Variants in RAB28 observed in about 807,000 individuals in gnomAD.
RAB28 encodes RAB28, member RAS oncogene family, also known as ras-related protein Rab-28.
A neutral mutation model predicts 31.7 loss-of-function variants in RAB28; 24 were observed. The observed-to-expected ratio is 0.76, with a 90% CI of 0.55 to 1.06. RAB28 has a LOEUF of 1.06. Among genes scored for constraint, RAB28 ranks in the 50% least tolerant of loss-of-function variants. The pLI is 0.00. For synonymous variants in RAB28, 100 were observed against 90.4 expected, an observed-to-expected ratio of 1.11 and a Z score of -0.60; for missense variants, 254 against 258.5, an observed-to-expected ratio of 0.98 and a Z score of 0.12.
intron 5 of RAB28, among the ~76,000 whole-genome samples, chr4:13,380,558 T>G (rs1295140634): frequency 6.6e-6 from 1 of 152,130 alleles, no homozygotes; most frequent in Non-Finnish European, 1.5e-5. Flanking sequence ...CAAATTTAAA[T>G]AGTGAAGTAT....
intron 2 of RAB28, among the ~76,000 whole-genome samples, chr4:13,475,492 A>G (rs1716318212): frequency 6.6e-6 from 1 of 151,652 alleles, no homozygotes; most frequent in South Asian, 2.1e-4. Context: ...AAAATCAGAG[A>G]AAGTTAGTCA....
chr4:13,377,154 T>G (rs1728953649), intron 5 of RAB28, among the ~76,000 whole-genome samples: 1 of 152,136 alleles, frequency 6.6e-6, no homozygotes. Flanking sequence ...TTACTATATT[T>G]TATCAGTTCA....
chr4:13,419,430 A>C (rs1301089842), intron 4 of RAB28, among the ~76,000 whole-genome samples: 1 of 152,208 alleles, frequency 6.6e-6, no homozygotes, highest in Non-Finnish European at 1.5e-5. Context: ...TCTCCACCCC[A>C]AATCAACAGA....
At chr4:13,389,486 C>A (rs1293932940) in intron 4 of RAB28, among the ~76,000 whole-genome samples, 2 of 151,912 alleles carry the variant, frequency 1.3e-5, no homozygotes, top group Non-Finnish European at 2.9e-5. Context: ...CATAGCTTTC[C>A]AAAGCTACAG....
chr4:13,436,919 AAAAAGAACAAC>A (rs575159714), intron 4 of RAB28, among the ~76,000 whole-genome samples: 13 of 152,160 alleles, frequency 8.5e-5, no homozygotes, highest in Non-Finnish European at 1.8e-4. Context: ...AATCATAAGC[AAAAAGAACAAC>A]AAAAGCATCA....
intron 4 of RAB28, among the ~76,000 whole-genome samples, chr4:13,419,893 A>C (rs1713019972): frequency 6.6e-6 from 1 of 152,116 alleles, no homozygotes; most frequent in South Asian, 2.1e-4. Flanking sequence ...GCAAGAAATA[A>C]CTAAGATCAG....
At chr4:13,481,758 A>G (rs1421223406) in intron 1 of RAB28, among the ~76,000 whole-genome samples, 1 of 152,156 alleles carries the variant, frequency 6.6e-6, no homozygotes, top group African/African-American at 2.4e-5. Flanking sequence ...ACTGTTAGTC[A>G]TCATCTCAAT....
At position 13,381,599 on chromosome 4, in the gene RAB28, A is replaced by G. The variant is rs1477324793; in HGVS notation, c.392-5T>C. The G allele has an allele frequency of 1.3e-6, 2 of 1,593,818 alleles. No individual in the cohort carries two copies. ...TTCGCATATGCTCCAAATCAACTAGAAAGGTGTTAAAGAAAGAAAATAATT... is the reference window on the plus strand; with the variant it reads ...TTCGCATATGCTCCAAATCAACTAGGAAGGTGTTAAAGAAAGAAAATAATT... On this transcript the variant is annotated splice_polypyrimidine_tract_variant and splice_region_variant and intron_variant, in intron 4 of 6. Coordinates refer to ENST00000330852, the MANE Select transcript of RAB28 (RefSeq NM_001017979.3).
At chr4:13,469,162 C>T (rs1477896658) in intron 3 of RAB28, among the ~76,000 whole-genome samples, 1 of 152,102 alleles carries the variant, frequency 6.6e-6, no homozygotes, top group East Asian at 1.9e-4. Flanking sequence ...CTACTGGAAT[C>T]TTCCAAGCCA....
chr4:13,474,874 T>A (rs1372295206), intron 2 of RAB28, among the ~76,000 whole-genome samples: 1 of 151,590 alleles, frequency 6.6e-6, no homozygotes, highest in Non-Finnish European at 1.5e-5. Context: ...ACTACAAAAA[T>A]GCACCCATAA....
intron 4 of RAB28, among the ~76,000 whole-genome samples, chr4:13,453,962 A>G (rs539868229): frequency 6.6e-6 from 1 of 152,230 alleles, no homozygotes; most frequent in East Asian, 1.9e-4. Flanking sequence ...CCATAATATA[A>G]GTATTTGTTC....
In RAB28 at chr4:13,455,599, C is replaced by A. The variant is rs1347587780; in HGVS notation, c.391+5100G>T. On this transcript the variant is annotated intron_variant, in intron 4 of 6. Transcript: ENST00000330852. ...CTCGTCTCAAGATGGCACCATGCTG[C>A]AGCAGCTTGACTCACAAGGCGTGGG... 2.0e-5 allele frequency among the ~76,000 whole-genome samples: 3 copies of A among 152,234 alleles called. No individual in the cohort carries two copies. In the East Asian group the frequency reaches 5.8e-4, roughly 29 times the overall value.
intron 5 of RAB28, among the ~76,000 whole-genome samples, chr4:13,377,884 G>C (rs1728982266): frequency 6.6e-6 from 1 of 152,184 alleles, no homozygotes; most frequent in Non-Finnish European, 1.5e-5. Context: ...GAGAAAAAGA[G>C]GAGTCAAGAA....
chr4:13,427,624 C>T (rs1713578619), intron 4 of RAB28, among the ~76,000 whole-genome samples: 1 of 152,074 alleles, frequency 6.6e-6, no homozygotes, highest in Non-Finnish European at 1.5e-5. Flanking sequence ...GTATGGGTTT[C>T]CTTCAGTATA....
chr4:13,425,558 T>C (rs146075947), intron 4 of RAB28, among the ~76,000 whole-genome samples: 1 of 152,102 alleles, frequency 6.6e-6, no homozygotes, highest in Admixed American at 6.6e-5. Context: ...TGTGCATGCA[T>C]ACACACACAT....
chr4:13,423,756 G>A (rs535426380), intron 4 of RAB28, among the ~76,000 whole-genome samples: 1 of 152,172 alleles, frequency 6.6e-6, no homozygotes, highest in South Asian at 2.1e-4. Flanking sequence ...ATACAAGTAA[G>A]TGTTCACTGT....
intron 4 of RAB28, among the ~76,000 whole-genome samples, chr4:13,455,906 C>T (rs1218166740): frequency 6.6e-6 from 1 of 152,208 alleles, no homozygotes; most frequent in East Asian, 1.9e-4. Context: ...TCTGGACTTC[C>T]GATCACCAAG....
At position 13,474,378 on chromosome 4, in the gene RAB28, C is replaced by G. The variant is rs574396347; in HGVS notation, c.201G>C (p.Trp67Cys). ...CTCCTATTGTCTGCCCTCCTATATC[C>G]CAAATTTGAAGGGTAACATTCAAGT... ...PGNLNVTLQI[W>C]DIGGQTIGGK... Residue 67 changes from tryptophan (W) to cysteine (C), a missense_variant, in exon 3 of 7, where the codon TGG becomes TGC. By Grantham distance (215) the Trp-to-Cys change is radical. Transcript: ENST00000330852. 1.1e-5 allele frequency: 18 copies of G among 1,591,860 alleles called. No individual in the cohort carries two copies. The South Asian group carries it at 1.8e-4, about 16-fold the overall frequency.
intron 6 of RAB28, chr4:13,369,989 T>C: frequency 6.3e-7 from 1 of 1,584,000 alleles, no homozygotes; most frequent in Non-Finnish European, 8.5e-7. Context: ...ACAACATAAA[T>C]GAGACAAAGA....
Sources: gnomAD v4.1 joint callset for allele counts (sites outside exome capture counted in the v4.1 genomes callset) on GRCh38, gnomAD v4.1.1 for gene constraint, MANE v1.5 for transcripts, NCBI Gene and HGNC (gene_info 2026-07-23, HGNC 2026-07-21) for gene names.